NDC1: variants seen among roughly 807,000 people sequenced by gnomAD.
The protein encoded by NDC1 is nucleoporin NDC1.
NDC1 carries 24 observed loss-of-function variants against 89.8 expected under a neutral mutation model. The ratio of observed to expected loss-of-function variants is 0.27; its 90% CI spans 0.19 to 0.38. The LOEUF (loss-of-function observed/expected upper bound fraction) is 0.38. Among genes scored for constraint, NDC1 ranks in the 10% least tolerant of loss-of-function variants. NDC1 has a pLI of 1.00. For synonymous variants in NDC1, 296 were observed against 284.8 expected (o/e 1.04, Z -0.39); for missense variants, 728 against 797.6 (o/e 0.91, Z 1.05).
At chr1:53,810,089 C>T (rs1012365494) in intron 6 of NDC1, among the ~76,000 whole-genome samples, 4 of 152,120 alleles carry the variant, frequency 2.6e-5, no homozygotes, top group Admixed American at 6.6e-5. Context: ...TGTAGATAAC[C>T]GATGTGCATT....
rs752886954 is a variant in NDC1, at chr1:53,772,462, G to A, written c.1828C>T (p.His610Tyr). The change falls in exon 17 of 18, where the codon CAT becomes TAT. Residue 610 changes from histidine to tyrosine, a missense_variant. By Grantham distance (83) the His-to-Tyr change is moderately conservative. Transcript: ENST00000371429. Reference protein sequence around the residue: ...EAVDKYFKLPHASSKPPRISG... With the variant: ...EAVDKYFKLPYASSKPPRISG... Reference sequence around the variant, plus strand: ...ATCCGGGGTGGTTTACTGGAAGCATGAGGAAGCTTAAAGTACTTGTCGACT... The same window carrying A: ...ATCCGGGGTGGTTTACTGGAAGCATAAGGAAGCTTAAAGTACTTGTCGACT... 6.2e-7 allele frequency: 1 copy of A among 1,613,380 alleles called. No individual in the cohort carries two copies. The highest frequency in any genetic ancestry group is 8.5e-7 in the Non-Finnish European group (1 of 1,179,518).
rs76326978 is a variant in NDC1 at position 53,820,380 on chromosome 1, A to G, written c.595-1301T>C. 8.2e-4 allele frequency among the ~76,000 whole-genome samples: 125 copies of G among 152,246 alleles called. 1 individual carries two copies. Among genetic ancestry groups the G allele is most frequent in the African/African-American group, 2.9e-3 (122 of 41,558 alleles). ...TTGATCTAAGAAAAAGGAATCAAAT[A>G]AGAAAAAAAAATCGGGGAGTGGGGA... On this transcript the variant is annotated intron_variant, in intron 5 of 17. Transcript: ENST00000371429.
intron 6 of NDC1, among the ~76,000 whole-genome samples, chr1:53,817,138 C>T (rs1054020768): frequency 5.3e-5 from 8 of 152,110 alleles, no homozygotes; most frequent in African/African-American, 1.7e-4. Context: ...CCCACTACTG[C>T]GTATCTACTC....
At chr1:53,811,288 G>A (rs1648297684) in intron 6 of NDC1, among the ~76,000 whole-genome samples, 1 of 152,166 alleles carries the variant, frequency 6.6e-6, no homozygotes, top group African/African-American at 2.4e-5. Context: ...GAACTTGGGG[G>A]AGAGGGCAAA....
At chr1:53,799,161 C>G (rs563097065) in intron 11 of NDC1, among the ~76,000 whole-genome samples, 29 of 152,298 alleles carry the variant, frequency 1.9e-4, no homozygotes, top group African/African-American at 6.5e-4. Flanking sequence ...TTGTTGCAAA[C>G]AAGGCTTCCT....
rs151151103 is a variant in NDC1, at chr1:53,769,995, T to C, written c.1962-1962A>G. Among the ~76,000 whole-genome samples the C allele has an allele frequency of 3.3e-5, 5 of 152,272 alleles. No homozygotes were observed. In the East Asian group the frequency reaches 7.7e-4, roughly 23 times the overall value. On this transcript the variant is annotated intron_variant, in intron 17 of 17. Transcript: ENST00000371429. ...TAGGAAACTTGCTCACAATCACAGA[T>C]AGCTAATGATGCAAGCAGACAGAAA...
chr1:53,806,417 T>C lies in NDC1; in HGVS notation c.984+8A>G, dbSNP rs202027793. 2 of 1,515,436 alleles carry C rather than the reference T, an allele frequency of 1.3e-6. No homozygotes were observed. The highest frequency in any genetic ancestry group is 2.5e-5 in the East Asian group (1 of 39,836). 93.9% of individuals were successfully genotyped at this position (1,515,436 alleles called of 1,614,324 possible). On this transcript the variant is annotated splice_region_variant and intron_variant, in intron 9 of 17. Coordinates refer to ENST00000371429, the MANE Select transcript of NDC1 (RefSeq NM_018087.5). ...ACTGTGTGAAGATATGCAACACAGTTTGGATACCTTTATGATGGGGGGAGG... is the reference window on the plus strand; with the variant it reads ...ACTGTGTGAAGATATGCAACACAGTCTGGATACCTTTATGATGGGGGGAGG...
chr1:53,801,713 C>T (rs185837873), intron 10 of NDC1, among the ~76,000 whole-genome samples: 1 of 152,246 alleles, frequency 6.6e-6, no homozygotes, highest in Non-Finnish European at 1.5e-5. Context: ...ATGTTTTGTA[C>T]TACTGTAATT....
At chr1:53,784,079 T>C (rs1647248576) in intron 16 of NDC1, among the ~76,000 whole-genome samples, 1 of 152,224 alleles carries the variant, frequency 6.6e-6, no homozygotes, top group Non-Finnish European at 1.5e-5. Flanking sequence ...AGAATACCTC[T>C]AGGGCAGGCA....
chr1:53,832,907 G>C (rs1649111249), intron 2 of NDC1, among the ~76,000 whole-genome samples: 1 of 152,094 alleles, frequency 6.6e-6, no homozygotes, highest in Admixed American at 6.5e-5. Context: ...AGCTACTCAG[G>C]AGGCTGAAGT....
At chr1:53,786,417 C>A (rs1247055341) in intron 16 of NDC1, among the ~76,000 whole-genome samples, 1 of 152,190 alleles carries the variant, frequency 6.6e-6, no homozygotes, top group Non-Finnish European at 1.5e-5. Context: ...AACCTATTAG[C>A]TAAAACTAGC....
chr1:53,774,014 A>G (rs1038893354), intron 16 of NDC1, among the ~76,000 whole-genome samples: 1 of 152,184 alleles, frequency 6.6e-6, no homozygotes, highest in Non-Finnish European at 1.5e-5. Context: ...CCCACCACCA[A>G]TTTGAAATCT....
intron 14 of NDC1, among the ~76,000 whole-genome samples, chr1:53,790,786 CCACT>C (rs1019156992): frequency 5.3e-5 from 8 of 152,130 alleles, no homozygotes; most frequent in African/African-American, 1.7e-4. Context: ...ACCCTCAACC[CCACT>C]CAAAGAAAAA....
chr1:53,770,741 G>A lies in NDC1; in HGVS notation c.1961+1588C>T, dbSNP rs1647105798. ...ACGATCTCGGCTCACTGCAACCTCC[G>A]CCTCCTGGGTGCAAGTGATTCTCAT... On this transcript the variant is annotated intron_variant, in intron 17 of 17. Transcript: ENST00000371429. 2.0e-5 allele frequency among the ~76,000 whole-genome samples: 3 copies of A among 151,798 alleles called. 1 individual carries two copies. The South Asian group carries it at 6.3e-4, about 32-fold the overall frequency.
At chr1:53,821,090 C>G (rs1181190) in intron 5 of NDC1, among the ~76,000 whole-genome samples, 38,618 of 151,720 alleles carry the variant, frequency 0.25, 5,924 homozygotes, top group African/African-American at 0.43. Context: ...TTATAGTATT[C>G]AGAAACTATA....
rs768979369 is a variant in NDC1, at chr1:53,835,520, T to A, written c.158A>T (p.His53Leu). The A allele has an allele frequency of 2.5e-6, 4 of 1,613,558 alleles. No individual in the cohort carries two copies. Among genetic ancestry groups the A allele is most frequent in the Admixed American group, 3.3e-5 (2 of 59,920 alleles). Residue 53 changes from histidine (H) to leucine (L), a missense_variant, in exon 2 of 18, where the codon CAT (histidine) becomes CTT (leucine). Transcript: ENST00000371429. ...FIIFSRIDLF[H>L]PIQWLSDSFS... ...CCTACCAGACAGCCACTGTATAGGA[T>A]GAAACAAATCAATCCTGCTGAAAAT...
At chr1:53,783,372 G>C (rs1357785103) in intron 16 of NDC1, among the ~76,000 whole-genome samples, 1 of 152,138 alleles carries the variant, frequency 6.6e-6, no homozygotes, top group Non-Finnish European at 1.5e-5. Context: ...TGTGGCTTAA[G>C]GGAAGATAGA....
chr1:53,832,224 TCTA>T (rs1649090210), intron 3 of NDC1, among the ~76,000 whole-genome samples: 1 of 152,154 alleles, frequency 6.6e-6, no homozygotes, highest in Non-Finnish European at 1.5e-5. Flanking sequence ...TAACCAGCAT[TCTA>T]CTTTCTTTCT....
intron 8 of NDC1, 109 bp downstream of exon 8, chr1:53,807,547 C>A: frequency 1.2e-6 from 1 of 844,262 alleles, no homozygotes; most frequent in South Asian, 2.3e-5. Context: ...AGACCAAAAA[C>A]CAGCTTACGG....
Sources: gnomAD v4.1 joint callset for allele counts (sites outside exome capture counted in the v4.1 genomes callset) on GRCh38, gnomAD v4.1.1 for gene constraint, MANE v1.5 for transcripts, NCBI Gene and HGNC (gene_info 2026-07-23, HGNC 2026-07-21) for gene names.